Variants in VEZT observed in about 807,000 individuals in gnomAD.
VEZT encodes vezatin, adherens junctions transmembrane protein.
Under a neutral mutation model 79.9 loss-of-function variants are expected in VEZT, and 39 were observed. The ratio of observed to expected loss-of-function variants is 0.49; its 90% CI spans 0.38 to 0.64. The LOEUF (loss-of-function observed/expected upper bound fraction) is 0.64. Among genes scored for constraint, VEZT ranks in the 30% least tolerant of loss-of-function variants. VEZT has a pLI of 0.00. For missense variants in VEZT, 837 were observed against 893.1 expected (o/e 0.94, Z 0.80); for synonymous variants, 325 against 327.6 (o/e 0.99, Z 0.09).
intron 8 of VEZT, chr12:95,286,737 C>T: frequency 2.4e-6 from 1 of 424,410 alleles, no homozygotes; most frequent in Non-Finnish European, 4.7e-6. Context: ...CTATCTAGTA[C>T]ATTTTCCACC....
At chr12:95,227,743 C>T (rs534635807) in intron 1 of VEZT, among the ~76,000 whole-genome samples, 1 of 152,294 alleles carries the variant, frequency 6.6e-6, no homozygotes, top group South Asian at 2.1e-4. Context: ...CAGACATGAA[C>T]GACTGCACCG....
chr12:95,255,129 A>T (rs1344619765), intron 2 of VEZT, among the ~76,000 whole-genome samples: 2 of 152,126 alleles, frequency 1.3e-5, no homozygotes, highest in East Asian at 3.9e-4. Context: ...CAACTTGTCT[A>T]AAATAGGACT....
In VEZT at chr12:95,302,020, A is replaced by G. The variant is rs1406680029; in HGVS notation, c.*1347A>G. ...AAAATCCTGGAACTCATCTATAATT[A>G]ACCTCTTCGGAGCAATACCTTAGGT... On this transcript the variant is annotated 3_prime_UTR_variant, in exon 12 of 12. Coordinates refer to ENST00000436874, the MANE Select transcript of VEZT (RefSeq NM_017599.4). 6.6e-6 allele frequency: 1 copy of G among 152,210 alleles called. No homozygotes were observed. Among genetic ancestry groups the G allele is most frequent in the Non-Finnish European group, 1.5e-5 (1 of 68,024 alleles). The allele number at this position is 152,210 out of a possible 1,614,324, so 9.4% of individuals were successfully genotyped here.
chr12:95,288,888 T>C (rs902134039), intron 9 of VEZT, among the ~76,000 whole-genome samples: 4 of 151,894 alleles, frequency 2.6e-5, no homozygotes, highest in Non-Finnish European at 5.9e-5. Context: ...TTTCTACAAA[T>C]AGAAACACTC....
rs1033001328 is a variant in VEZT at position 95,276,989 on chromosome 12, C to T, written c.996+2100C>T. 2.6e-5 allele frequency among the ~76,000 whole-genome samples: 4 copies of T among 152,098 alleles called. No homozygotes were observed. In the East Asian group the frequency reaches 5.8e-4, roughly 22 times the overall value. Reference sequence around the variant, plus strand: ...TTCTACCTTGAAAATGTATTTTAAACCCATCCACTTTTTTCTATATCCACC... The same window carrying T: ...TTCTACCTTGAAAATGTATTTTAAATCCATCCACTTTTTTCTATATCCACC... On this transcript the variant is annotated intron_variant, in intron 7 of 11. Transcript: ENST00000436874.
intron 1 of VEZT, among the ~76,000 whole-genome samples, chr12:95,250,958 C>A (rs1374785030): frequency 6.6e-6 from 1 of 152,038 alleles, no homozygotes; most frequent in Non-Finnish European, 1.5e-5. Context: ...TATAAATTTC[C>A]TGGTTACTTA....
chr12:95,285,085 CAAAA>C (rs1165581329), intron 8 of VEZT, among the ~76,000 whole-genome samples: 1 of 44,674 alleles, frequency 2.2e-5, no homozygotes, highest in Non-Finnish European at 4.3e-5. Context: ...GACTCTGTCT[CAAAA>C]AAAAAAAAAA....
At chr12:95,298,786 C>T (rs1204734642) in intron 11 of VEZT, 2 of 152,148 alleles carry the variant, frequency 1.3e-5, no homozygotes, top group Admixed American at 1.3e-4. Flanking sequence ...TAAGAGCTAA[C>T]AGATTTATAA....
Position 95,301,931 on chromosome 12 carries a change from A to T in VEZT, c.*1258A>T, listed in dbSNP as rs2075257492. ...ATTTACTTTTTAACCTGAGAAAAAAACTTGGTTCTGCTTTATATAAACAGT... is the reference window on the plus strand; with the variant it reads ...ATTTACTTTTTAACCTGAGAAAAAATCTTGGTTCTGCTTTATATAAACAGT... On this transcript the variant is annotated 3_prime_UTR_variant, in exon 12 of 12. Coordinates refer to ENST00000436874, the MANE Select transcript of VEZT (RefSeq NM_017599.4). 6.6e-6 allele frequency: 1 copy of T among 152,100 alleles called. No individual in the cohort carries two copies. 9.4% of individuals were successfully genotyped at this position (152,100 alleles called of 1,614,324 possible).
At chr12:95,239,768 A>G (rs1439215984) in intron 1 of VEZT, among the ~76,000 whole-genome samples, 1 of 152,148 alleles carries the variant, frequency 6.6e-6, no homozygotes, top group African/African-American at 2.4e-5. Flanking sequence ...CCTGGCCACC[A>G]TGGTGAAACA....
At chr12:95,223,630 T>A (rs995027708) in intron 1 of VEZT, among the ~76,000 whole-genome samples, 1 of 152,098 alleles carries the variant, frequency 6.6e-6, no homozygotes, top group African/African-American at 2.4e-5. Context: ...TTTGTATTTC[T>A]AGTAGAGATG....
intron 11 of VEZT, chr12:95,298,838 CTT>C (rs565382015): frequency 7.9e-5 from 12 of 152,148 alleles, no homozygotes; most frequent in African/African-American, 1.4e-4. Context: ...TGTATATAAA[CTT>C]ATATCCTTTT....
At chr12:95,280,306 A>T (rs972254007) in intron 7 of VEZT, among the ~76,000 whole-genome samples, 25 of 152,054 alleles carry the variant, frequency 1.6e-4, no homozygotes, top group African/African-American at 6.0e-4. Context: ...GTGTGCTCCC[A>T]CAACAGTACT....
At chr12:95,233,395 T>C (rs2059550643) in intron 1 of VEZT, among the ~76,000 whole-genome samples, 1 of 152,096 alleles carries the variant, frequency 6.6e-6, no homozygotes. Context: ...AATTATTTTT[T>C]ATTTTTATTT....
At chr12:95,297,319 C>T (rs367696789) in intron 11 of VEZT, among the ~76,000 whole-genome samples, 9 of 152,048 alleles carry the variant, frequency 5.9e-5, no homozygotes, top group Non-Finnish European at 1.0e-4. Flanking sequence ...TGTGGACCCT[C>T]GAAATCAACT....
intron 4 of VEZT, 62 bp downstream of exon 4, chr12:95,263,143 C>G (rs1566149655): frequency 7.3e-7 from 1 of 1,368,270 alleles, no homozygotes. Flanking sequence ...CAGAGGAAAC[C>G]CATCATTGTG....
At chr12:95,240,303 A>C (rs1264524723) in intron 1 of VEZT, among the ~76,000 whole-genome samples, 1 of 152,178 alleles carries the variant, frequency 6.6e-6, no homozygotes, top group Non-Finnish European at 1.5e-5. Flanking sequence ...TGGCCCAGAT[A>C]GTCAGATTTG....
At chr12:95,295,455 C>T (rs1436290118) in intron 10 of VEZT, among the ~76,000 whole-genome samples, 10 of 151,952 alleles carry the variant, frequency 6.6e-5, no homozygotes, top group Admixed American at 6.6e-4. Context: ...CCACCGCGCC[C>T]GGCTGGTGCC....
Position 95,300,674 on chromosome 12 carries a change from G to C in VEZT, c.*1G>C. Reference sequence around the variant, plus strand: ...TAAAAATGAGATAGAAGAAAAGTAAGAACCAAGATTCATATGAAGTGATAT... The same window carrying C: ...TAAAAATGAGATAGAAGAAAAGTAACAACCAAGATTCATATGAAGTGATAT... On this transcript the variant is annotated 3_prime_UTR_variant, in exon 12 of 12. Coordinates refer to ENST00000436874, the MANE Select transcript of VEZT (RefSeq NM_017599.4). The C allele has an allele frequency of 6.3e-7, 1 of 1,575,076 alleles. No homozygotes were observed. The highest frequency in any genetic ancestry group is 8.6e-7 in the Non-Finnish European group (1 of 1,160,550).
Sources: gnomAD v4.1 joint callset for allele counts (sites outside exome capture counted in the v4.1 genomes callset) on GRCh38, gnomAD v4.1.1 for gene constraint, MANE v1.5 for transcripts, NCBI Gene and HGNC (gene_info 2026-07-23, HGNC 2026-07-21) for gene names.